Variants in NSD2 observed in about 807,000 individuals in gnomAD.
NSD2 encodes histone-lysine N-methyltransferase NSD2.
NSD2 carries 12 observed loss-of-function variants against 139.0 expected under a neutral mutation model. The observed-to-expected ratio is 0.09, with a 90% CI of 0.06 to 0.14. The LOEUF is 0.14. Among genes scored for constraint, NSD2 ranks in the 10% least tolerant of loss-of-function variants. NSD2 has a pLI of 1.00. For synonymous variants in NSD2, 669 were observed against 648.7 expected, an observed-to-expected ratio of 1.03 and a Z score of -0.48; for missense variants, 1,155 against 1,745.0, an observed-to-expected ratio of 0.66 and a Z score of 6.02.
intron 18 of NSD2, among the ~76,000 whole-genome samples, chr4:1,962,370 G>T (rs1725455632): frequency 6.6e-6 from 1 of 152,194 alleles, no homozygotes; most frequent in South Asian, 2.1e-4. Flanking sequence ...TATGCTTTTG[G>T]GGGCAGTGGG....
In NSD2 at chr4:1,956,916, C is replaced by T. The variant is rs768390477; in HGVS notation, c.2881+728C>T. On this transcript the variant is annotated intron_variant, in intron 15 of 21. Transcript: ENST00000508803. This position sits in a 1 kb window ranked among gnomAD's most constrained non-coding sequence, Gnocchi z 5.3. The stretch of plus-strand genomic sequence containing the variant: ...GCTGCCAGAAGCTTTGCAGGCTGCA[C>T]TGAGTGGTAGGAGTGCATGGTGGGC... 1.3e-5 allele frequency among the ~76,000 whole-genome samples: 2 copies of T among 152,176 alleles called. No homozygotes were observed. Among genetic ancestry groups the T allele is most frequent in the South Asian group, 2.1e-4 (1 of 4,830 alleles).
Position 1,981,888 on chromosome 4 carries a change from G to A in NSD2, c.*2979G>A. ...GAGTAAAATGCTGTGTCCACGGGGTGTCACAGCCTCACCATACCCTGTTGA... is the reference window on the plus strand; with the variant it reads ...GAGTAAAATGCTGTGTCCACGGGGTATCACAGCCTCACCATACCCTGTTGA... On this transcript the variant is annotated 3_prime_UTR_variant, in exon 22 of 22. Transcript: ENST00000508803. The A allele has an allele frequency of 2.5e-6, 1 of 398,656 alleles. No homozygotes were observed. Among genetic ancestry groups the A allele is most frequent in the Non-Finnish European group, 4.4e-6 (1 of 226,072 alleles). 24.7% of individuals were successfully genotyped at this position (398,656 alleles called of 1,614,324 possible).
Position 1,976,387 on chromosome 4 carries a change from G to T in NSD2, c.3622-88G>T. 1.4e-6 allele frequency: 2 copies of T among 1,435,936 alleles called. No individual in the cohort carries two copies. The highest frequency in any genetic ancestry group is 1.9e-6 in the Non-Finnish European group (2 of 1,049,768). The allele number at this position is 1,435,936 out of a possible 1,614,324, so 88.9% of individuals were successfully genotyped here. A position where few individuals can be genotyped will look rare whatever the true frequency, so the allele number is the denominator to read the frequency against. On this transcript the variant is annotated intron_variant, in intron 20 of 21. Coordinates refer to ENST00000508803, the MANE Select transcript of NSD2 (RefSeq NM_001042424.3). The surrounding 1 kb of genome is among the most constrained non-coding windows in gnomAD (Gnocchi z 5.3). Reference sequence around the variant, plus strand: ...TTGGGCACCTGCAGAGATCTCTGAAGTTCCTGGAGTGTAGCTCGCTCTTCT... The same window carrying T: ...TTGGGCACCTGCAGAGATCTCTGAATTTCCTGGAGTGTAGCTCGCTCTTCT...
chr4:1,900,182 T>C (rs487903), intron 1 of NSD2, among the ~76,000 whole-genome samples: 101,860 of 152,120 alleles, frequency 0.67, 38,002 homozygotes, highest in East Asian at 0.98. Flanking sequence ...CTGTTAGTGT[T>C]GATTTTGCTT....
chr4:1,975,171 T>C (rs892029733), intron 19 of NSD2, 123 bp from the exon 20 acceptor site: 6 of 1,394,006 alleles, frequency 4.3e-6, no homozygotes, highest in Non-Finnish European at 5.9e-6. Context: ...TGAAAGGCCA[T>C]GGGTCAAGCC....
intron 7 of NSD2, 98 bp from the exon 8 acceptor site, chr4:1,938,353 T>C: frequency 1.8e-6 from 2 of 1,136,892 alleles, no homozygotes; most frequent in Non-Finnish European, 1.2e-6. Flanking sequence ...TTTTTTCCTT[T>C]CTTTTCCTTT....
rs538680820 is a variant in NSD2 at position 1,888,016 on chromosome 4, T to G, written c.-29-12610T>G. Among the ~76,000 whole-genome samples the G allele has an allele frequency of 6.1e-4, 93 of 152,326 alleles. No individual in the cohort carries two copies. In the South Asian group the frequency reaches 0.019, roughly 31 times the overall value. ...CAGCTGTTCACATCATCTTCTGCGA[T>G]GGACCATCTGTTTTTTGCATCTCAT... On this transcript the variant is annotated intron_variant, in intron 1 of 21. Coordinates refer to ENST00000508803, the MANE Select transcript of NSD2 (RefSeq NM_001042424.3).
At chr4:1,943,087 T>TGTTCTATAGAGCATCAGCC in intron 9 of NSD2, 3 of 1,049,156 alleles carry the variant, frequency 2.9e-6, no homozygotes, top group Middle Eastern at 8.6e-4. Flanking sequence ...CTGCATCAGT[T>TGTTCTATAGAGCATCAGCC]GCTTCTATAG....
intron 10 of NSD2, 64 bp from the exon 11 acceptor site, chr4:1,952,044 C>A: frequency 2.6e-6 from 4 of 1,566,228 alleles, no homozygotes; most frequent in Non-Finnish European, 3.5e-6. Context: ...GACGGCTTCC[C>A]TTGTGGTAAG....
rs934673025 is a variant in NSD2, at chr4:1,956,518, C to T, written c.2881+330C>T. Among the ~76,000 whole-genome samples, 3 of 152,112 alleles carry T rather than the reference C, an allele frequency of 2.0e-5. No homozygotes were observed. Among genetic ancestry groups the T allele is most frequent in the East Asian group, 1.9e-4 (1 of 5,196 alleles). On this transcript the variant is annotated intron_variant, in intron 15 of 21. Transcript: ENST00000508803. The surrounding 1 kb of genome is among the most constrained non-coding windows in gnomAD (Gnocchi z 5.3). ...ATCTGAAGGAAGGGTCCTGTTGTCT[C>T]GACCTTGTGCAGCAGGCTCTTGGGG...
chr4:1,940,601 G>A (rs1722988514), intron 9 of NSD2: 1 of 1,063,528 alleles, frequency 9.4e-7, no homozygotes, highest in Admixed American at 5.4e-5. Flanking sequence ...GGTTCTCCGT[G>A]ATGCTGTTTT....
At chr4:1,947,302 C>G (rs930776386) in intron 9 of NSD2, 1 of 1,062,246 alleles carries the variant, frequency 9.4e-7, no homozygotes, top group African/African-American at 1.6e-5. Context: ...CCTGGCCTCA[C>G]TCTGGCCACA....
chr4:1,962,900 G>A (rs1468637453), intron 18 of NSD2, among the ~76,000 whole-genome samples: 1 of 152,078 alleles, frequency 6.6e-6, no homozygotes, highest in Non-Finnish European at 1.5e-5. Flanking sequence ...GGTGGGTAGC[G>A]CTTCCTCCTA....
rs1053579294 is a variant in NSD2, at chr4:1,943,759, A to G, written c.1881+3981A>G. On this transcript the variant is annotated intron_variant, in intron 9 of 21. Coordinates refer to ENST00000508803, the MANE Select transcript of NSD2 (RefSeq NM_001042424.3). ...AACCCCACGAAATTTAAAGATGGGG[A>G]AAAAAAGATGGTATAAAAATGGCTC... 6.6e-5 allele frequency: 70 copies of G among 1,057,722 alleles called. No individual in the cohort carries two copies. The African/African-American group carries it at 1.1e-3, about 17-fold the overall frequency. The allele number at this position is 1,057,722 out of a possible 1,614,324, so 65.5% of individuals were successfully genotyped here.
intron 9 of NSD2, chr4:1,946,178 T>G (rs954550425): frequency 9.8e-7 from 1 of 1,021,458 alleles, no homozygotes; most frequent in African/African-American, 1.7e-5. Flanking sequence ...TAACTGTCAT[T>G]AGAAAAGGTT....
intron 9 of NSD2, 49 bp from the exon 10 acceptor site, chr4:1,951,023 C>T (rs200955966): frequency 5.7e-5 from 92 of 1,605,738 alleles, no homozygotes; most frequent in African/African-American, 2.1e-4. Flanking sequence ...CATGGCCACC[C>T]GCTGTGTTCT....
At chr4:1,951,958 C>A in intron 10 of NSD2, 150 bp from the exon 11 acceptor site, 2 of 1,252,600 alleles carry the variant, frequency 1.6e-6, no homozygotes, top group Non-Finnish European at 2.2e-6. Context: ...CTGTTTGGGC[C>A]AGACGTTTGC....
At chr4:1,977,969 A>G (rs941809328) in intron 21 of NSD2, among the ~76,000 whole-genome samples, 1 of 152,000 alleles carries the variant, frequency 6.6e-6, no homozygotes, top group Non-Finnish European at 1.5e-5. Flanking sequence ...TCTACTGAAC[A>G]TAGAAAAATT....
intron 1 of NSD2, among the ~76,000 whole-genome samples, chr4:1,887,221 G>A (rs1715180089): frequency 6.6e-6 from 1 of 152,124 alleles, no homozygotes; most frequent in African/African-American, 2.4e-5. Flanking sequence ...GAGGCTGCTT[G>A]GGCTTCCTTG....
Sources: allele counts gnomAD v4.1 joint callset (sites outside exome capture counted in the v4.1 genomes callset), GRCh38; gene constraint gnomAD v4.1.1; non-coding constraint Gnocchi (gnomAD v3.1); transcripts MANE v1.5; gene names NCBI Gene and HGNC (gene_info 2026-07-23, HGNC 2026-07-21).